LRP1B: variants seen among roughly 807,000 people sequenced by gnomAD.
LRP1B encodes the protein LDL receptor related protein 1B.
In LRP1B, 217 loss-of-function variants were observed where a neutral mutation model predicts 556.6. That is an observed-to-expected ratio of 0.39 (90% CI 0.35 to 0.44). The LOEUF (loss-of-function observed/expected upper bound fraction) is 0.44, where lower values mean the gene tolerates loss of function less well. LRP1B is among the 20% of genes least tolerant of loss of function. The probability of loss-of-function intolerance (pLI) is 1.00; values close to 1 mark genes in which losing one functional copy is unlikely to be tolerated. For synonymous variants in LRP1B, 2,047 were observed against 1,865.8 expected (o/e 1.10, Z -2.50); for missense variants, 5,053 against 5,620.8 (o/e 0.90, Z 3.23).
chr2:140,534,393 G>T (rs1008496521), intron 46 of LRP1B, among the ~76,000 whole-genome samples: 1 of 152,058 alleles, frequency 6.6e-6, no homozygotes, highest in Non-Finnish European at 1.5e-5. Flanking sequence ...TTATACCCAC[G>T]TTATTGTTTC....
At chr2:141,667,907 C>T (rs112726201) in intron 2 of LRP1B, among the ~76,000 whole-genome samples, 2 of 152,070 alleles carry the variant, frequency 1.3e-5, no homozygotes, top group African/African-American at 4.8e-5. Context: ...ATAAGATAAC[C>T]CATCTGAGCC....
intron 79 of LRP1B, among the ~76,000 whole-genome samples, chr2:140,329,973 G>T (rs940599492): frequency 6.6e-6 from 1 of 151,826 alleles, no homozygotes; most frequent in East Asian, 1.9e-4. Flanking sequence ...GCTGAGGCGG[G>T]TTGATCGCTT....
chr2:141,345,512 TG>T (rs1688218223), intron 3 of LRP1B, among the ~76,000 whole-genome samples: 1 of 152,174 alleles, frequency 6.6e-6, no homozygotes, highest in South Asian at 2.1e-4. Context: ...TTAGAGAGAC[TG>T]GGTCTTGGTC....
intron 1 of LRP1B, among the ~76,000 whole-genome samples, chr2:142,051,770 ATACTTT>A (rs1375700012): frequency 6.6e-6 from 1 of 151,938 alleles, no homozygotes; most frequent in African/African-American, 2.4e-5. Flanking sequence ...CCACCGTGTT[ATACTTT>A]GGAATTCCCC....
At chr2:141,793,590 T>G (rs1695694795) in intron 2 of LRP1B, among the ~76,000 whole-genome samples, 1 of 151,998 alleles carries the variant, frequency 6.6e-6, no homozygotes, top group Non-Finnish European at 1.5e-5. Flanking sequence ...TTCCAAATTG[T>G]ACTATCATTT....
At chr2:140,903,681 A>C (rs952155632) in intron 22 of LRP1B, among the ~76,000 whole-genome samples, 6 of 151,964 alleles carry the variant, frequency 3.9e-5, no homozygotes, top group African/African-American at 1.5e-4. Flanking sequence ...AAAATGCAGA[A>C]TGGATTACTT....
chr2:141,810,229 A>G lies in LRP1B; in HGVS notation c.205+50T>C, dbSNP rs748875733. The G allele has an allele frequency of 7.0e-6, 11 of 1,578,250 alleles. 1 individual carries two copies. The South Asian group carries it at 1.3e-4, about 18-fold the overall frequency. ...TCATCTGTGAAAACAACTGACATTTAGTTTCACATGTAAGGTAAATCCGAA... is the reference window on the plus strand; with the variant it reads ...TCATCTGTGAAAACAACTGACATTTGGTTTCACATGTAAGGTAAATCCGAA... On this transcript the variant is annotated intron_variant, in intron 2 of 90. Transcript: ENST00000389484.
At chr2:140,269,380 A>G in intron 86 of LRP1B, 1 of 470,098 alleles carries the variant, frequency 2.1e-6, no homozygotes, top group South Asian at 1.6e-5. Context: ...CCCACAGAGC[A>G]TCTGCAGAAT....
intron 1 of LRP1B, among the ~76,000 whole-genome samples, chr2:142,040,266 T>G (rs1030706263): frequency 5.9e-5 from 9 of 151,462 alleles, no homozygotes; most frequent in African/African-American, 2.2e-4. Context: ...ATACTTTCCA[T>G]TTTTGAAAAA....
chr2:141,411,008 T>C (rs751936504), intron 3 of LRP1B, among the ~76,000 whole-genome samples: 9 of 152,072 alleles, frequency 5.9e-5, no homozygotes, highest in Non-Finnish European at 7.4e-5. Context: ...TATTTAAGTA[T>C]TAACAATTTG....
At chr2:140,639,593 T>C (rs949695094) in intron 41 of LRP1B, among the ~76,000 whole-genome samples, 20 of 152,214 alleles carry the variant, frequency 1.3e-4, no homozygotes, top group African/African-American at 4.1e-4. Context: ...TTATGCAGGG[T>C]GATGCTTGAG....
At chr2:140,432,045 A>T (rs1685968553) in intron 66 of LRP1B, among the ~76,000 whole-genome samples, 1 of 152,198 alleles carries the variant, frequency 6.6e-6, no homozygotes, top group Admixed American at 6.5e-5. Context: ...ACCTGCACTT[A>T]CACATCCAGA....
chr2:140,637,350 A>G (rs982087098), intron 41 of LRP1B, among the ~76,000 whole-genome samples: 1 of 152,212 alleles, frequency 6.6e-6, no homozygotes, highest in African/African-American at 2.4e-5. Context: ...CATAACTGGT[A>G]ATTTCAATAA....
intron 7 of LRP1B, among the ~76,000 whole-genome samples, chr2:141,129,108 G>A (rs983855922): frequency 5.3e-5 from 8 of 151,940 alleles, no homozygotes; most frequent in African/African-American, 1.9e-4. Flanking sequence ...AATGAAATAA[G>A]GCAACTTTAA....
chr2:141,358,899 CTT>C (rs1442340302), intron 3 of LRP1B, among the ~76,000 whole-genome samples: 1 of 151,830 alleles, frequency 6.6e-6, no homozygotes, highest in Non-Finnish European at 1.5e-5. Context: ...TTGTAAAACA[CTT>C]ATAAAAACTG....
intron 2 of LRP1B, among the ~76,000 whole-genome samples, chr2:141,706,643 T>C (rs946078082): frequency 4.6e-5 from 7 of 152,092 alleles, no homozygotes; most frequent in African/African-American, 1.7e-4. Flanking sequence ...AGAAGGAAAG[T>C]ATTCAAAGGC....
rs1559128360 is a variant in LRP1B at position 140,803,266 on chromosome 2, T to TG, written c.5359+10390_5359+10391insC. The stretch of plus-strand genomic sequence containing the variant: ...AGTATTAGTCCTATTGAAAGTTTTT[T>TG]TTTTTTTTTTTTTTTTTTTTTTTTC... On this transcript the variant is annotated intron_variant, in intron 32 of 90. Coordinates refer to ENST00000389484, the MANE Select transcript of LRP1B (RefSeq NM_018557.3). Among the ~76,000 whole-genome samples the TG allele has an allele frequency of 3.1e-5, 4 of 128,098 alleles. 1 individual carries two copies. Among genetic ancestry groups the TG allele is most frequent in the African/African-American group, 3.2e-5 (1 of 31,328 alleles). 84.0% of individuals were successfully genotyped at this position (128,098 alleles called of 152,430 possible). A position where few individuals can be genotyped will look rare whatever the true frequency, so the allele number is the denominator to read the frequency against.
chr2:141,027,981 C>T (rs1698263021), intron 11 of LRP1B, among the ~76,000 whole-genome samples: 1 of 152,068 alleles, frequency 6.6e-6, no homozygotes, highest in Non-Finnish European at 1.5e-5. Context: ...AAACAAATTT[C>T]TGTTGTGTAT....
chr2:141,993,463 G>A (rs960756298), intron 1 of LRP1B, among the ~76,000 whole-genome samples: 3 of 151,900 alleles, frequency 2.0e-5, no homozygotes, highest in Non-Finnish European at 2.9e-5. Context: ...TTCTAGCATC[G>A]GCTCCCATTG....
Sources: allele counts gnomAD v4.1 joint callset (sites outside exome capture counted in the v4.1 genomes callset), GRCh38; gene constraint gnomAD v4.1.1; transcripts MANE v1.5; gene names NCBI Gene and HGNC (gene_info 2026-07-23, HGNC 2026-07-21).